NCOA1: variants seen among roughly 807,000 people sequenced by gnomAD.
NCOA1 encodes Hin-2 protein.
NCOA1 carries 35 observed loss-of-function variants against 150.9 expected under a neutral mutation model. The ratio of observed to expected loss-of-function variants is 0.23; its 90% CI spans 0.18 to 0.31. The LOEUF (loss-of-function observed/expected upper bound fraction) is 0.31, where lower values mean the gene tolerates loss of function less well. Ranked by LOEUF, NCOA1 falls within the 10% of genes least tolerant of loss-of-function variation. The probability of loss-of-function intolerance (pLI) is 1.00; values close to 1 mark genes in which losing one functional copy is unlikely to be tolerated. For missense variants in NCOA1, 1,491 were observed against 1,749.3 expected, an observed-to-expected ratio of 0.85 and a Z score of 2.63; for synonymous variants, 590 against 630.0, an observed-to-expected ratio of 0.94 and a Z score of 0.95.
chr2:24,559,133 T>G (rs1032160073), intron 1 of NCOA1, among the ~76,000 whole-genome samples: 11 of 152,348 alleles, frequency 7.2e-5, no homozygotes, highest in African/African-American at 2.4e-4. Context: ...TTTCTTTTTG[T>G]TTTTAGCTTT....
intron 1 of NCOA1, among the ~76,000 whole-genome samples, chr2:24,554,900 C>T (rs1666012104): frequency 1.3e-5 from 2 of 152,122 alleles, no homozygotes; most frequent in South Asian, 2.1e-4. Flanking sequence ...CTCTACTTAC[C>T]GTTTTGATGA....
At chr2:24,617,128 G>A (rs1668905987) in intron 3 of NCOA1, among the ~76,000 whole-genome samples, 1 of 152,074 alleles carries the variant, frequency 6.6e-6, no homozygotes, top group African/African-American at 2.4e-5. Flanking sequence ...TGGGGAGGAT[G>A]GTAGAAATGT....
At chr2:24,749,466 C>G (rs1353504807) in intron 19 of NCOA1, among the ~76,000 whole-genome samples, 1 of 152,234 alleles carries the variant, frequency 6.6e-6, no homozygotes, top group Non-Finnish European at 1.5e-5. Flanking sequence ...CAGAGAAAAC[C>G]ACCTGAAAAG....
chr2:24,550,024 A>G (rs563016984), intron 1 of NCOA1, among the ~76,000 whole-genome samples: 22 of 152,320 alleles, frequency 1.4e-4, no homozygotes, highest in South Asian at 8.3e-4. Flanking sequence ...CATGCCACCA[A>G]TCTTTTTGCT....
chr2:24,504,645 A>G (rs1347298774), intron 1 of NCOA1, among the ~76,000 whole-genome samples: 1 of 152,242 alleles, frequency 6.6e-6, no homozygotes, highest in Non-Finnish European at 1.5e-5. Flanking sequence ...CTTTGGGACA[A>G]TTAAAGGAGA....
At chr2:24,702,592 TAAAAATAAATA>T in intron 11 of NCOA1, among the ~76,000 whole-genome samples, 2 of 152,144 alleles carry the variant, frequency 1.3e-5, no homozygotes, top group Admixed American at 1.3e-4. Flanking sequence ...ATTCTAGGGA[TAAAAATAAATA>T]AAAAATAAAT....
intron 3 of NCOA1, among the ~76,000 whole-genome samples, chr2:24,587,496 T>A (rs1031695574): frequency 4.6e-5 from 7 of 152,202 alleles, no homozygotes; most frequent in Admixed American, 6.5e-5. Flanking sequence ...TATTTCATTT[T>A]AAAAATAATT....
intron 14 of NCOA1, among the ~76,000 whole-genome samples, chr2:24,713,443 A>G (rs537203271): frequency 4.0e-5 from 6 of 151,852 alleles, no homozygotes; most frequent in Non-Finnish European, 8.8e-5. Flanking sequence ...CATGAGAGAT[A>G]AAGAAAAGAT....
chr2:24,722,470 C>T (rs917956082), intron 14 of NCOA1, among the ~76,000 whole-genome samples: 1 of 152,072 alleles, frequency 6.6e-6, no homozygotes, highest in Non-Finnish European at 1.5e-5. Flanking sequence ...GAACCAAATA[C>T]GTTGATCTAA....
intron 3 of NCOA1, among the ~76,000 whole-genome samples, chr2:24,603,323 G>A (rs1668214339): frequency 6.6e-6 from 1 of 152,188 alleles, no homozygotes; most frequent in Non-Finnish European, 1.5e-5. Context: ...CAGGATGGTG[G>A]TTGCTGAAGA....
chr2:24,528,680 A>G (rs965004959), intron 1 of NCOA1, among the ~76,000 whole-genome samples: 1 of 152,060 alleles, frequency 6.6e-6, no homozygotes. Flanking sequence ...AAATCCTAAA[A>G]AAAGTTTAAA....
At chr2:24,678,802 A>G (rs1375722601) in intron 7 of NCOA1, among the ~76,000 whole-genome samples, 1 of 152,210 alleles carries the variant, frequency 6.6e-6, no homozygotes, top group East Asian at 1.9e-4. Context: ...TCAGATGGAT[A>G]GATTGCAAAA....
chr2:24,614,997 A>G (rs1250980524), intron 3 of NCOA1, among the ~76,000 whole-genome samples: 2 of 152,198 alleles, frequency 1.3e-5, no homozygotes, highest in African/African-American at 4.8e-5. Context: ...AAGCACAGAG[A>G]AATTGAATTA....
At chr2:24,759,502 C>T (rs1196875243) in intron 21 of NCOA1, among the ~76,000 whole-genome samples, 1 of 152,068 alleles carries the variant, frequency 6.6e-6, no homozygotes, top group Non-Finnish European at 1.5e-5. Context: ...TATCCTGGAG[C>T]CTCTTACATA....
At chr2:24,574,471 G>T (rs1180186865) in intron 2 of NCOA1, among the ~76,000 whole-genome samples, 4 of 151,960 alleles carry the variant, frequency 2.6e-5, no homozygotes, top group Non-Finnish European at 5.9e-5. Flanking sequence ...TTTGGGGGAG[G>T]TTACTGCTTT....
intron 3 of NCOA1, among the ~76,000 whole-genome samples, chr2:24,619,514 C>T (rs1669026227): frequency 6.6e-6 from 1 of 152,172 alleles, no homozygotes; most frequent in East Asian, 1.9e-4. Context: ...GGGAATATAG[C>T]CTGTGAACTC....
chr2:24,626,899 A>C (rs1669438952), intron 3 of NCOA1, among the ~76,000 whole-genome samples: 1 of 152,064 alleles, frequency 6.6e-6, no homozygotes, highest in African/African-American at 2.4e-5. Flanking sequence ...CTCCTATTAG[A>C]ATGTAAGCTA....
chr2:24,678,477 A>G (rs989949620), intron 7 of NCOA1, among the ~76,000 whole-genome samples: 2 of 152,188 alleles, frequency 1.3e-5, no homozygotes, highest in Non-Finnish European at 2.9e-5. Context: ...GCCTTCCACA[A>G]TGGTTAAACT....
intron 7 of NCOA1, among the ~76,000 whole-genome samples, chr2:24,681,449 A>G (rs1263456753): frequency 1.3e-5 from 2 of 152,240 alleles, no homozygotes; most frequent in Admixed American, 6.5e-5. Flanking sequence ...AAATTATACA[A>G]GCTATTCAGG....
Sources: gnomAD v4.1 joint callset for allele counts (sites outside exome capture counted in the v4.1 genomes callset) on GRCh38, gnomAD v4.1.1 for gene constraint, MANE v1.5 for transcripts, NCBI Gene and HGNC (gene_info 2026-07-23, HGNC 2026-07-21) for gene names.